ST8SIA1: variants seen among roughly 807,000 people sequenced by gnomAD.
ST8SIA1 encodes the protein ST8 alpha-N-acetyl-neuraminide alpha-2,8-sialyltransferase 1.
ST8SIA1 carries 16 observed loss-of-function variants against 35.9 expected under a neutral mutation model. That is an observed-to-expected ratio of 0.45 (90% CI 0.30 to 0.68). The LOEUF is 0.68. ST8SIA1 is among the 30% of genes least tolerant of loss of function. ST8SIA1 has a pLI of 0.09. For synonymous variants in ST8SIA1, 170 were observed against 169.6 expected, an observed-to-expected ratio of 1.00 and a Z score of -0.02; for missense variants, 383 against 453.6, an observed-to-expected ratio of 0.84 and a Z score of 1.41.
At chr12:22,218,392 AG>A (rs1476619337) in intron 4 of ST8SIA1, among the ~76,000 whole-genome samples, 1 of 150,716 alleles carries the variant, frequency 6.6e-6, no homozygotes, top group African/African-American at 2.4e-5. Flanking sequence ...CCAAGATGGG[AG>A]GATCACTTGA....
chr12:22,255,256 C>T (rs772758773), intron 3 of ST8SIA1, 24 bp downstream of exon 3: 7 of 1,595,674 alleles, frequency 4.4e-6, no homozygotes, highest in East Asian at 2.2e-5. Context: ...AGGCAGAGGC[C>T]GCGCTGTGGG....
At chr12:22,308,101 A>T (rs1866406700) in intron 1 of ST8SIA1, among the ~76,000 whole-genome samples, 1 of 152,164 alleles carries the variant, frequency 6.6e-6, no homozygotes. Context: ...TACCAAGTAA[A>T]TTTTTGATGG....
intron 2 of ST8SIA1, among the ~76,000 whole-genome samples, chr12:22,264,049 C>T (rs1246755301): frequency 2.0e-5 from 3 of 152,132 alleles, no homozygotes; most frequent in African/African-American, 7.2e-5. Context: ...CCCTCACCCA[C>T]GTATCCTCCT....
intron 1 of ST8SIA1, among the ~76,000 whole-genome samples, chr12:22,296,775 G>T (rs1866249616): frequency 6.6e-6 from 1 of 152,188 alleles, no homozygotes; most frequent in Admixed American, 6.5e-5. Context: ...TTGAGCAGGA[G>T]CATAGGGGTG....
chr12:22,230,091 C>G (rs937812562), intron 4 of ST8SIA1, among the ~76,000 whole-genome samples: 2 of 152,184 alleles, frequency 1.3e-5, no homozygotes, highest in Admixed American at 6.5e-5. Flanking sequence ...ATTTATTTAA[C>G]AATTGTTCAA....
chr12:22,244,041 A>T (rs892237589), intron 4 of ST8SIA1, among the ~76,000 whole-genome samples: 2 of 151,762 alleles, frequency 1.3e-5, no homozygotes, highest in African/African-American at 4.8e-5. Context: ...AAAAAAAAAA[A>T]ATGTTTTTAT....
At chr12:22,230,521 C>A (rs1269223169) in intron 4 of ST8SIA1, among the ~76,000 whole-genome samples, 1 of 152,066 alleles carries the variant, frequency 6.6e-6, no homozygotes, top group Non-Finnish European at 1.5e-5. Flanking sequence ...GTCTAAAATC[C>A]CCTGCCCAGC....
intron 4 of ST8SIA1, among the ~76,000 whole-genome samples, chr12:22,214,495 A>C (rs1267468074): frequency 6.8e-6 from 1 of 147,240 alleles, no homozygotes; most frequent in South Asian, 2.3e-4. Context: ...GGATTGTTGC[A>C]TGTCCCATTT....
chr12:22,241,990 A>T (rs1865546434), intron 4 of ST8SIA1, among the ~76,000 whole-genome samples: 1 of 152,096 alleles, frequency 6.6e-6, no homozygotes, highest in African/African-American at 2.4e-5. Flanking sequence ...CTATTTCCAT[A>T]ATTTTTCTTT....
intron 1 of ST8SIA1, among the ~76,000 whole-genome samples, chr12:22,333,069 C>T (rs1187137004): frequency 3.3e-5 from 5 of 152,184 alleles, no homozygotes; most frequent in Non-Finnish European, 7.3e-5. Flanking sequence ...GCCTTCCCTC[C>T]AATCTAACTA....
intron 1 of ST8SIA1, among the ~76,000 whole-genome samples, chr12:22,291,175 C>A (rs1449859764): frequency 6.6e-6 from 1 of 152,062 alleles, no homozygotes; most frequent in African/African-American, 2.4e-5. Flanking sequence ...CTGTGCCTAC[C>A]GACTAGGAAG....
intron 1 of ST8SIA1, among the ~76,000 whole-genome samples, chr12:22,293,212 A>T (rs996399125): frequency 2.0e-5 from 3 of 152,232 alleles, no homozygotes; most frequent in Non-Finnish European, 4.4e-5. Context: ...TAAAGTAGGC[A>T]TGTCTGTAGG....
At chr12:22,321,022 G>GA (rs371673041) in intron 1 of ST8SIA1, among the ~76,000 whole-genome samples, 1 of 90,304 alleles carries the variant, frequency 1.1e-5, no homozygotes, top group Non-Finnish European at 2.4e-5. Context: ...AAGAAAGAAA[G>GA]AAAGAAAGAA....
intron 1 of ST8SIA1, among the ~76,000 whole-genome samples, chr12:22,288,367 G>A (rs1015791510): frequency 9.2e-5 from 14 of 152,152 alleles, no homozygotes; most frequent in African/African-American, 3.4e-4. Flanking sequence ...CAAAGAGAAG[G>A]GGCTGCAGAA....
intron 3 of ST8SIA1, among the ~76,000 whole-genome samples, chr12:22,253,702 T>A (rs924309415): frequency 1.3e-5 from 2 of 152,218 alleles, no homozygotes; most frequent in Admixed American, 6.5e-5. Context: ...ACTACATTTG[T>A]ACTTTTTCCA....
chr12:22,326,745 T>C (rs1439588749), intron 1 of ST8SIA1, among the ~76,000 whole-genome samples: 1 of 152,164 alleles, frequency 6.6e-6, no homozygotes, highest in Non-Finnish European at 1.5e-5. Flanking sequence ...CACATTATAC[T>C]CATTTTTCAG....
intron 1 of ST8SIA1, among the ~76,000 whole-genome samples, chr12:22,315,762 C>T (rs1461342093): frequency 7.1e-6 from 1 of 140,364 alleles, no homozygotes; most frequent in Non-Finnish European, 1.6e-5. Context: ...TCACAAACCC[C>T]TTAATGTAAA....
At chr12:22,328,901 T>C (rs1202370866) in intron 1 of ST8SIA1, among the ~76,000 whole-genome samples, 1 of 152,142 alleles carries the variant, frequency 6.6e-6, no homozygotes, top group Admixed American at 6.5e-5. Context: ...ACACAGCAAG[T>C]GATGGAATCA....
chr12:22,223,516 C>G, intron 4 of ST8SIA1: 1 of 1,011,914 alleles, frequency 9.9e-7, no homozygotes, highest in South Asian at 3.8e-5. Context: ...TGTCATGTAC[C>G]TGTGTGAGTC....
Sources: allele counts gnomAD v4.1 joint callset (sites outside exome capture counted in the v4.1 genomes callset), GRCh38; gene constraint gnomAD v4.1.1; transcripts MANE v1.5; gene names NCBI Gene and HGNC (gene_info 2026-07-23, HGNC 2026-07-21).